The following CNTNAP2 variants were observed in gnomAD, a reference collection of about 807,000 sequenced individuals.
CNTNAP2 encodes the protein contactin-associated protein-like 2.
A neutral mutation model predicts 155.2 loss-of-function variants in CNTNAP2; 98 were observed. The ratio of observed to expected loss-of-function variants is 0.63; its 90% CI spans 0.54 to 0.75. The LOEUF is 0.75. CNTNAP2 is among the 30% of genes least tolerant of loss of function. The probability of loss-of-function intolerance (pLI) is 0.00; values close to 1 mark genes in which losing one functional copy is unlikely to be tolerated. For missense variants in CNTNAP2, 1,727 were observed against 1,688.1 expected (o/e 1.02, Z -0.40); for synonymous variants, 651 against 631.2 (o/e 1.03, Z -0.47).
intron 3 of CNTNAP2, among the ~76,000 whole-genome samples, chr7:146,843,469 C>G (rs946943612): frequency 6.6e-6 from 1 of 151,864 alleles, no homozygotes; most frequent in Non-Finnish European, 1.5e-5. Flanking sequence ...GGTGGGGACA[C>G]AGACCCAAAC....
At chr7:146,851,486 GA>G (rs780200909) in intron 3 of CNTNAP2, among the ~76,000 whole-genome samples, 33 of 152,084 alleles carry the variant, frequency 2.2e-4, no homozygotes, top group Non-Finnish European at 4.6e-4. Flanking sequence ...TCAAACAACA[GA>G]AATTTACTCT....
chr7:146,264,399 C>T (rs1250288310), intron 1 of CNTNAP2, among the ~76,000 whole-genome samples: 2 of 151,244 alleles, frequency 1.3e-5, no homozygotes, highest in Admixed American at 6.6e-5. Context: ...TGCAGTGAGC[C>T]GAGATCATGC....
chr7:146,893,058 A>G (rs7794074), intron 3 of CNTNAP2, among the ~76,000 whole-genome samples: 100,481 of 152,024 alleles, frequency 0.66, 33,737 homozygotes, highest in African/African-American at 0.76. Context: ...TGTTTTATAC[A>G]TATGGACTTT....
In CNTNAP2 at chr7:147,108,128, A is replaced by AC. The variant is rs1554439029; in HGVS notation, c.551-19_551-18insC. On this transcript the variant is annotated intron_variant, in intron 4 of 23. Coordinates refer to ENST00000361727, the MANE Select transcript of CNTNAP2 (RefSeq NM_014141.6). ...ACATACATGGCTGAACTAATATGTT[A>AC]TTTTTTTTTTTGTTTTAGGGGCTGA... The AC allele has an allele frequency of 7.6e-7, 1 of 1,313,498 alleles. No individual in the cohort carries two copies. Among genetic ancestry groups the AC allele is most frequent in the Non-Finnish European group, 1.0e-6 (1 of 956,758 alleles). 81.4% of individuals were successfully genotyped at this position (1,313,498 alleles called of 1,614,324 possible). A position where few individuals can be genotyped will look rare whatever the true frequency, so the allele number is the denominator to read the frequency against.
At chr7:147,826,903 C>T (rs1216698364) in intron 13 of CNTNAP2, among the ~76,000 whole-genome samples, 2 of 151,530 alleles carry the variant, frequency 1.3e-5, no homozygotes, top group Admixed American at 6.6e-5. Context: ...AAGTGGATAT[C>T]CCCCTTTACA....
intron 1 of CNTNAP2, among the ~76,000 whole-genome samples, chr7:146,362,660 A>G (rs1795098617): frequency 6.6e-6 from 1 of 152,122 alleles, no homozygotes; most frequent in Non-Finnish European, 1.5e-5. Flanking sequence ...AAAAATAAAG[A>G]AGCTGAATTC....
At chr7:148,344,409 T>C (rs1669183850) in intron 21 of CNTNAP2, among the ~76,000 whole-genome samples, 2 of 152,096 alleles carry the variant, frequency 1.3e-5, no homozygotes, top group Non-Finnish European at 2.9e-5. Flanking sequence ...CTGCTCAGAG[T>C]CCTTCTCCAA....
At chr7:147,358,440 A>G (rs1361865066) in intron 9 of CNTNAP2, among the ~76,000 whole-genome samples, 1 of 152,128 alleles carries the variant, frequency 6.6e-6, no homozygotes, top group East Asian at 1.9e-4. Flanking sequence ...TTATTTGTAA[A>G]AACATAAAGT....
At chr7:147,728,316 C>T (rs769635002) in intron 13 of CNTNAP2, among the ~76,000 whole-genome samples, 2 of 151,914 alleles carry the variant, frequency 1.3e-5, no homozygotes, top group African/African-American at 2.4e-5. Flanking sequence ...AAGCGAAGTT[C>T]GGAAGTTGTC....
At chr7:148,053,292 T>C (rs1375849289) in intron 15 of CNTNAP2, among the ~76,000 whole-genome samples, 1 of 152,344 alleles carries the variant, frequency 6.6e-6, no homozygotes, top group South Asian at 2.1e-4. Context: ...TTATTCCAAA[T>C]ATTGTAAAAT....
At chr7:147,422,149 T>C (rs1379308026) in intron 10 of CNTNAP2, among the ~76,000 whole-genome samples, 12 of 148,200 alleles carry the variant, frequency 8.1e-5, no homozygotes, top group Non-Finnish European at 1.8e-4. Context: ...ATATATAGTA[T>C]GTATATATAC....
intron 1 of CNTNAP2, among the ~76,000 whole-genome samples, chr7:146,767,224 T>C (rs914089789): frequency 1.3e-5 from 2 of 152,178 alleles, no homozygotes; most frequent in East Asian, 1.9e-4. Flanking sequence ...AGCACTCTAG[T>C]ATTTTCTGTG....
chr7:147,802,757 G>T (rs1798025683), intron 13 of CNTNAP2, among the ~76,000 whole-genome samples: 2 of 147,584 alleles, frequency 1.4e-5, no homozygotes, highest in African/African-American at 5.0e-5. Flanking sequence ...GCATCAGAGG[G>T]AGACTGTGGA....
At chr7:146,914,449 C>A (rs1013045256) in intron 3 of CNTNAP2, among the ~76,000 whole-genome samples, 1 of 152,034 alleles carries the variant, frequency 6.6e-6, no homozygotes, top group Non-Finnish European at 1.5e-5. Context: ...ACATCCACGC[C>A]AACATCTATT....
At chr7:148,176,211 C>CTT (rs1188113801) in intron 18 of CNTNAP2, among the ~76,000 whole-genome samples, 1,702 of 92,762 alleles carry the variant, frequency 0.018, 171 homozygotes, top group African/African-American at 0.069. Context: ...CTTTCTTTCT[C>CTT]TTTTTTTTTT....
chr7:147,377,868 G>T, intron 9 of CNTNAP2: 1 of 358,042 alleles, frequency 2.8e-6, no homozygotes, highest in Non-Finnish European at 5.5e-6. Context: ...TGCTGTTATA[G>T]CATGCTGTGT....
intron 8 of CNTNAP2, among the ~76,000 whole-genome samples, chr7:147,188,362 T>G (rs1294561488): frequency 6.6e-6 from 1 of 152,148 alleles, no homozygotes; most frequent in Admixed American, 6.5e-5. Context: ...AGGAGGATAT[T>G]TTGATACTAT....
In CNTNAP2 at chr7:148,239,941, G is replaced by A. The variant is rs868396009; in HGVS notation, c.3381+10162G>A. Among the ~76,000 whole-genome samples the A allele has an allele frequency of 4.6e-5, 7 of 152,270 alleles. 1 individual carries two copies. Among genetic ancestry groups the A allele is most frequent in the African/African-American group, 1.7e-4 (7 of 41,550 alleles). On this transcript the variant is annotated intron_variant, in intron 20 of 23. Coordinates refer to ENST00000361727, the MANE Select transcript of CNTNAP2 (RefSeq NM_014141.6). The stretch of plus-strand genomic sequence containing the variant: ...ACTTAAAGCCACATGGGGTCCCTAA[G>A]AATTTAACATGATGATATCTAATTG...
chr7:146,681,294 G>A (rs2129169886), intron 1 of CNTNAP2, among the ~76,000 whole-genome samples: 1 of 150,188 alleles, frequency 6.7e-6, no homozygotes, highest in South Asian at 2.1e-4. Flanking sequence ...GGTTGGGAAA[G>A]CTAGGATTAC....
Sources: allele counts gnomAD v4.1 joint callset (sites outside exome capture counted in the v4.1 genomes callset), GRCh38; gene constraint gnomAD v4.1.1; transcripts MANE v1.5; gene names NCBI Gene and HGNC (gene_info 2026-07-23, HGNC 2026-07-21).